Variants in TENM2 observed in about 807,000 individuals in gnomAD.
TENM2 encodes the protein teneurin transmembrane protein 2.
In TENM2, 52 loss-of-function variants were observed where a neutral mutation model predicts 245.2. The ratio of observed to expected loss-of-function variants is 0.21; its 90% CI spans 0.17 to 0.27. The LOEUF is 0.27. TENM2 is among the 10% of genes least tolerant of loss of function. The pLI, the probability that TENM2 is intolerant of heterozygous loss-of-function variation, is 1.00. For missense variants in TENM2, 3,046 were observed against 3,666.8 expected (o/e 0.83, Z 4.37); for synonymous variants, 1,363 against 1,438.9 (o/e 0.95, Z 1.19).
chr5:167,497,275 A>G (rs751415371), intron 2 of TENM2, among the ~76,000 whole-genome samples: 3 of 152,102 alleles, frequency 2.0e-5, no homozygotes, highest in Non-Finnish European at 2.9e-5. Context: ...GATACTTCCA[A>G]TATAGAGCAA....
rs10462966 is a variant in TENM2, at chr5:167,430,337, C to T, written c.502+54864C>T. On this transcript the variant is annotated intron_variant, in intron 2 of 28. Coordinates refer to ENST00000518659, the Ensembl canonical transcript of TENM2. ...GGTAGAGATTAAATAAAATAATCAACGTAATGTGCTTTGTCCACCATAAGT... is the reference window on the plus strand; with the variant it reads ...GGTAGAGATTAAATAAAATAATCAATGTAATGTGCTTTGTCCACCATAAGT... Among the ~76,000 whole-genome samples the T allele has an allele frequency of 0.023, 3,432 of 152,190 alleles. 223 individuals carry two copies. In the East Asian group the frequency reaches 0.27, roughly 12 times the overall value.
At chr5:168,053,170 A>G (rs1216325634) in intron 6 of TENM2, among the ~76,000 whole-genome samples, 1 of 152,180 alleles carries the variant, frequency 6.6e-6, no homozygotes, top group Non-Finnish European at 1.5e-5. Context: ...ATATACCAAC[A>G]TCCTAACTAC....
the TENM2 span, among the ~76,000 whole-genome samples, chr5:167,231,393 G>T: frequency 6.6e-6 from 1 of 152,210 alleles, no homozygotes; most frequent in Non-Finnish European, 1.5e-5. Flanking sequence ...TGAAGTCCAG[G>T]CTCAGATGGT....
intron 1 of TENM2, among the ~76,000 whole-genome samples, chr5:167,318,938 A>G (rs1010832382): frequency 3.2e-4 from 48 of 152,350 alleles, no homozygotes; most frequent in African/African-American, 1.1e-3. Context: ...ACGTGAAGCA[A>G]TAGGAGAGCA....
At chr5:167,799,514 G>A (rs1159914607) in intron 2 of TENM2, among the ~76,000 whole-genome samples, 1 of 152,238 alleles carries the variant, frequency 6.6e-6, no homozygotes, top group African/African-American at 2.4e-5. Context: ...TTTGCTTAAA[G>A]AAAAACTATT....
chr5:167,620,814 G>C (rs1042230428), intron 2 of TENM2, among the ~76,000 whole-genome samples: 1 of 151,482 alleles, frequency 6.6e-6, no homozygotes, highest in Non-Finnish European at 1.5e-5. Flanking sequence ...GTTATTTTTT[G>C]GTCTTCCCCA....
chr5:168,050,762 C>T (rs1455836752), intron 6 of TENM2, among the ~76,000 whole-genome samples: 1 of 152,210 alleles, frequency 6.6e-6, no homozygotes, highest in African/African-American at 2.4e-5. Flanking sequence ...AAACAAAGCA[C>T]TTGATTAATT....
At chr5:167,876,357 C>T (rs541509809) in intron 3 of TENM2, among the ~76,000 whole-genome samples, 162 bp downstream of exon 5, 19 of 152,298 alleles carry the variant, frequency 1.2e-4, no homozygotes, top group Non-Finnish European at 1.9e-4. Context: ...TTTCAAGATA[C>T]ATCTGTAGAA....
chr5:167,300,474 G>T (rs1755243343), intron 1 of TENM2, among the ~76,000 whole-genome samples: 1 of 152,138 alleles, frequency 6.6e-6, no homozygotes, highest in South Asian at 2.1e-4. Context: ...CAATTTGGTT[G>T]ATAAGGCACA....
chr5:167,192,017 G>A, the TENM2 span, among the ~76,000 whole-genome samples: 1 of 151,924 alleles, frequency 6.6e-6, no homozygotes. Flanking sequence ...CATTCTCAAG[G>A]AAAAATCTTT....
chr5:167,876,226 G>C (rs1773413814), intron 3 of TENM2, 31 bp downstream of exon 5: 1 of 1,498,932 alleles, frequency 6.7e-7, no homozygotes, highest in African/African-American at 1.4e-5. Context: ...CTGAATGTGT[G>C]GTGTTTCGTG....
chr5:167,855,922 G>A (rs1277092285), intron 2 of TENM2, among the ~76,000 whole-genome samples: 3 of 148,004 alleles, frequency 2.0e-5, no homozygotes, highest in Admixed American at 6.7e-5. Flanking sequence ...AGGGAGGGAG[G>A]AAGGAAGGGA....
At chr5:166,986,074 G>T in the TENM2 span, among the ~76,000 whole-genome samples, 3 of 152,218 alleles carry the variant, frequency 2.0e-5, no homozygotes. Context: ...TGGGGACAAA[G>T]ATGGAAGGAT....
At chr5:167,980,224 C>T (rs949199322) in intron 4 of TENM2, among the ~76,000 whole-genome samples, 3 of 152,116 alleles carry the variant, frequency 2.0e-5, no homozygotes, top group African/African-American at 7.2e-5. Flanking sequence ...AATGAGATAT[C>T]TCAATGAAGG....
rs902771064 is a variant in TENM2, at chr5:167,929,896, T to A, written c.713-22692T>A. On this transcript the variant is annotated intron_variant, in intron 3 of 28. Coordinates refer to ENST00000518659, the Ensembl canonical transcript of TENM2. ...GCTATGTTTTCATGCAAGATAAGAG[T>A]TGTTGTGCCTCAGATAGGAGCACAA... Among the ~76,000 whole-genome samples the A allele has an allele frequency of 2.6e-5, 4 of 152,090 alleles. No homozygotes were observed. The East Asian group carries it at 5.8e-4, about 22-fold the overall frequency.
chr5:167,033,237 T>C, the TENM2 span, among the ~76,000 whole-genome samples: 1 of 152,226 alleles, frequency 6.6e-6, no homozygotes, highest in African/African-American at 2.4e-5. Flanking sequence ...CACATCCCTT[T>C]ATTCGTGCTA....
At chr5:167,004,205 A>G in the TENM2 span, among the ~76,000 whole-genome samples, 2 of 152,224 alleles carry the variant, frequency 1.3e-5, no homozygotes, top group Non-Finnish European at 2.9e-5. Context: ...GGAGATCAAA[A>G]TATTATTCAG....
intron 2 of TENM2, among the ~76,000 whole-genome samples, chr5:167,805,534 C>A (rs951255788): frequency 6.6e-6 from 1 of 152,146 alleles, no homozygotes; most frequent in African/African-American, 2.4e-5. Context: ...TACTTGTTGA[C>A]TGAAGGAGGG....
intron 2 of TENM2, among the ~76,000 whole-genome samples, chr5:167,796,363 C>T (rs1340559922): frequency 6.6e-6 from 1 of 152,086 alleles, no homozygotes; most frequent in Non-Finnish European, 1.5e-5. Flanking sequence ...ATCTTCTCTC[C>T]ATGCTCTCTG....
Sources: gnomAD v4.1 joint callset for allele counts (sites outside exome capture counted in the v4.1 genomes callset) on GRCh38, gnomAD v4.1.1 for gene constraint, MANE v1.5 for transcripts, NCBI Gene and HGNC (gene_info 2026-07-23, HGNC 2026-07-21) for gene names.